Variants in BCAS3 observed in about 807,000 individuals in gnomAD.
The protein encoded by BCAS3 is BCAS4/BCAS3 fusion.
Under a neutral mutation model 116.1 loss-of-function variants are expected in BCAS3, and 53 were observed. That is an observed-to-expected ratio of 0.46 (90% CI 0.37 to 0.57). The LOEUF (loss-of-function observed/expected upper bound fraction) is 0.57. Among genes scored for constraint, BCAS3 ranks in the 20% least tolerant of loss-of-function variants. The pLI, the probability that BCAS3 is intolerant of heterozygous loss-of-function variation, is 0.00. For missense variants in BCAS3, 917 were observed against 1,165.4 expected, an observed-to-expected ratio of 0.79 and a Z score of 3.10; for synonymous variants, 391 against 408.2, an observed-to-expected ratio of 0.96 and a Z score of 0.51.
rs566692501 is a variant in BCAS3 at position 60,679,086 on chromosome 17, A to G, written c.-5-367A>G. ...AAAAAAATATAAAATTTAGCTCGGC[A>G]TGGTGGCGCTCGCCTGTAATCCCAG... is the stretch of plus-strand genomic sequence containing the variant. On this transcript the variant is annotated intron_variant, in intron 1 of 23. Transcript: ENST00000407086. Among the ~76,000 whole-genome samples the G allele has an allele frequency of 1.1e-4, 16 of 152,300 alleles. No homozygotes were observed. The South Asian group carries it at 3.1e-3, about 30-fold the overall frequency.
intron 22 of BCAS3, chr17:61,086,824 A>G: frequency 1.0e-6 from 1 of 985,408 alleles, no homozygotes; most frequent in Non-Finnish European, 1.2e-6. Flanking sequence ...GACTTTTATG[A>G]GTAATTCTCT....
chr17:61,160,627 G>GA (rs1321169364), intron 22 of BCAS3, among the ~76,000 whole-genome samples: 1 of 151,866 alleles, frequency 6.6e-6, no homozygotes, highest in Admixed American at 6.6e-5. Flanking sequence ...GGCCTTTTAA[G>GA]AAAAAAATGC....
intron 12 of BCAS3, among the ~76,000 whole-genome samples, chr17:60,919,391 T>C (rs956617668): frequency 1.3e-5 from 2 of 152,190 alleles, no homozygotes; most frequent in African/African-American, 4.8e-5. Context: ...AGTGGTGCGA[T>C]CTCAGTTCAC....
chr17:60,950,107 TTTGACTTAC>T (rs2060751589), intron 14 of BCAS3, among the ~76,000 whole-genome samples: 1 of 152,038 alleles, frequency 6.6e-6, no homozygotes, highest in Non-Finnish European at 1.5e-5. Context: ...GATTTTTACA[TTTGACTTAC>T]TAGATATTAT....
Position 61,281,888 on chromosome 17 carries a change from ACTTT to A in BCAS3, c.2426-86434_2426-86431del, listed in dbSNP as rs1412744450. Among the ~76,000 whole-genome samples, 1 of 152,062 alleles carries A rather than the reference ACTTT, an allele frequency of 6.6e-6. No individual in the cohort carries two copies. The highest frequency in any genetic ancestry group is 1.5e-5 in the Non-Finnish European group (1 of 68,014). Reference sequence around the variant, plus strand: ...ATTCTTCGTTTTATGGTAAATTTTTACTTTCTTTTCCGCTACTTCCTTTTTACAA... The same window carrying A: ...ATTCTTCGTTTTATGGTAAATTTTTACTTTTCCGCTACTTCCTTTTTACAA... On this transcript the variant is annotated intron_variant, in intron 22 of 23. Coordinates refer to ENST00000407086, the MANE Select transcript of BCAS3 (RefSeq NM_017679.5). The surrounding 1 kb of genome is among the most constrained non-coding windows in gnomAD (Gnocchi z 4.2).
At chr17:61,197,743 C>G (rs1239653088) in intron 22 of BCAS3, among the ~76,000 whole-genome samples, 1 of 152,178 alleles carries the variant, frequency 6.6e-6, no homozygotes, top group Non-Finnish European at 1.5e-5. Flanking sequence ...TGGATAAAGA[C>G]CCTCGGGAGA....
intron 22 of BCAS3, among the ~76,000 whole-genome samples, chr17:61,294,379 G>T (rs2144716502): frequency 6.6e-6 from 1 of 152,222 alleles, no homozygotes; most frequent in South Asian, 2.1e-4. Context: ...TCCATCCTAA[G>T]TATCTTTAAA....
In BCAS3 at chr17:61,088,026, A is replaced by G. The variant is rs2073225376; in HGVS notation, c.2425+3462A>G. On this transcript the variant is annotated intron_variant, in intron 22 of 23. Transcript: ENST00000407086. The surrounding 1 kb of genome is among the most constrained non-coding windows in gnomAD (Gnocchi z 4.2). Reference sequence around the variant, plus strand: ...GCAAAACCCCGTCCCTAATAAAAATACAAAAATTAGCTGGGCATGGTTTCA... The same window carrying G: ...GCAAAACCCCGTCCCTAATAAAAATGCAAAAATTAGCTGGGCATGGTTTCA... Among the ~76,000 whole-genome samples, 2 of 152,146 alleles carry G rather than the reference A, an allele frequency of 1.3e-5. No homozygotes were observed. The highest frequency in any genetic ancestry group is 4.1e-4 in the South Asian group (2 of 4,830).
intron 14 of BCAS3, among the ~76,000 whole-genome samples, chr17:60,977,049 T>A (rs2062439626): frequency 6.7e-6 from 1 of 150,256 alleles, no homozygotes; most frequent in Non-Finnish European, 1.5e-5. Context: ...CCAGACGGGG[T>A]GGCGGCCGGG....
chr17:61,365,598 T>C lies in BCAS3; in HGVS notation c.2426-2729T>C, dbSNP rs1199860819. ...ATCTGCTCACCTTGGCCTCCCAAAG[T>C]GCTGGGATTACAGGCGTGAGCCACC... On this transcript the variant is annotated intron_variant, in intron 22 of 23. Coordinates refer to ENST00000407086, the MANE Select transcript of BCAS3 (RefSeq NM_017679.5). The surrounding 1 kb of genome is among the most constrained non-coding windows in gnomAD (Gnocchi z 4.6). 6.6e-6 allele frequency among the ~76,000 whole-genome samples: 1 copy of C among 152,078 alleles called. No homozygotes were observed. The highest frequency in any genetic ancestry group is 6.5e-5 in the Admixed American group (1 of 15,270).
intron 22 of BCAS3, among the ~76,000 whole-genome samples, chr17:61,109,276 AT>A (rs1379148750): frequency 1.4e-5 from 2 of 140,270 alleles, no homozygotes; most frequent in African/African-American, 5.6e-5. Context: ...GCCGAGTAGT[AT>A]TCCATTTGTG....
At chr17:61,242,195 G>C (rs1411767370) in intron 22 of BCAS3, among the ~76,000 whole-genome samples, 1 of 150,496 alleles carries the variant, frequency 6.6e-6, no homozygotes, top group Non-Finnish European at 1.5e-5. Flanking sequence ...AGAATTGCTT[G>C]AACCTGGAAG....
chr17:61,147,727 C>G (rs1378184104), intron 22 of BCAS3, among the ~76,000 whole-genome samples: 1 of 152,096 alleles, frequency 6.6e-6, no homozygotes, highest in Admixed American at 6.5e-5. Context: ...TGGCTCACGC[C>G]TGTAATCCCA....
intron 12 of BCAS3, among the ~76,000 whole-genome samples, chr17:60,912,744 T>A (rs2058580941): frequency 1.3e-5 from 2 of 152,140 alleles, no homozygotes; most frequent in Non-Finnish European, 2.9e-5. Flanking sequence ...AGTGTTAGAG[T>A]AAAATATTCC....
At chr17:61,269,645 A>G (rs867991577) in intron 22 of BCAS3, among the ~76,000 whole-genome samples, 1 of 152,132 alleles carries the variant, frequency 6.6e-6, no homozygotes, top group South Asian at 2.1e-4. Flanking sequence ...ATAGTGGCCA[A>G]CTTAATGGGT....
intron 19 of BCAS3, among the ~76,000 whole-genome samples, chr17:61,066,920 G>T (rs2070686937): frequency 6.6e-6 from 1 of 151,890 alleles, no homozygotes; most frequent in African/African-American, 2.4e-5. Flanking sequence ...TCAACTTAGA[G>T]GTCTGTTAAT....
chr17:61,310,441 T>C (rs967045853), intron 22 of BCAS3, among the ~76,000 whole-genome samples: 1 of 151,882 alleles, frequency 6.6e-6, no homozygotes, highest in East Asian at 1.9e-4. Flanking sequence ...GTAATCCCAG[T>C]TACCTGGGAG....
chr17:60,904,189 A>C (rs981754301), intron 11 of BCAS3, among the ~76,000 whole-genome samples: 3 of 150,780 alleles, frequency 2.0e-5, no homozygotes, highest in African/African-American at 7.3e-5. Context: ...GCGGATCATG[A>C]GGTCAGGAGT....
chr17:60,682,532 T>G (rs1404040776), intron 2 of BCAS3, among the ~76,000 whole-genome samples: 3 of 152,166 alleles, frequency 2.0e-5, no homozygotes, highest in Admixed American at 6.6e-5. Flanking sequence ...TTTTCGTTGT[T>G]GTTTTTTTGA....
Sources: gnomAD v4.1 joint callset for allele counts (sites outside exome capture counted in the v4.1 genomes callset) on GRCh38, gnomAD v4.1.1 for gene constraint, Gnocchi (gnomAD v3.1) non-coding constraint, MANE v1.5 for transcripts, NCBI Gene and HGNC (gene_info 2026-07-23, HGNC 2026-07-21) for gene names.